Variants in RREB1 observed in about 807,000 individuals in gnomAD.
RREB1 encodes ras responsive element binding protein 1, also known as ras-responsive element-binding protein 1.
RREB1 carries 27 observed loss-of-function variants against 117.8 expected under a neutral mutation model. The ratio of observed to expected loss-of-function variants is 0.23; its 90% CI spans 0.17 to 0.32. RREB1 has a LOEUF of 0.32. Among genes scored for constraint, RREB1 ranks in the 10% least tolerant of loss-of-function variants. The pLI, the probability that RREB1 is intolerant of heterozygous loss-of-function variation, is 1.00. For missense variants in RREB1, 2,577 were observed against 2,378.2 expected (o/e 1.08, Z -1.74); for synonymous variants, 1,298 against 1,026.7 (o/e 1.26, Z -5.05).
rs1768007018 is a variant in RREB1, at chr6:7,231,868, T to C, written c.3769T>C (p.Trp1257Arg). The change falls in exon 10 of 13, where the codon TGG becomes CGG. Residue 1257 changes from tryptophan (W) to arginine (R), a missense_variant. Coordinates refer to ENST00000379938, the MANE Select transcript of RREB1 (RefSeq NM_001003699.4). ...TCCCCACTGTCCCCGGGTTTTCCCT[T>C]GGGCCAGCTCCCTACAGAGGCACAT... ...TCPHCPRVFP[W>R]ASSLQRHMLT... 1.2e-6 allele frequency: 2 copies of C among 1,612,656 alleles called. No individual in the cohort carries two copies. The highest frequency in any genetic ancestry group is 1.7e-6 in the Non-Finnish European group (2 of 1,179,530).
chr6:7,128,941 C>T (rs1191174641), intron 1 of RREB1, among the ~76,000 whole-genome samples: 1 of 152,168 alleles, frequency 6.6e-6, no homozygotes, highest in South Asian at 2.1e-4. Context: ...TGCACTCCAG[C>T]TTGGGCAACA....
In RREB1 at chr6:7,250,702, C is replaced by G. The variant is rs1769371402; in HGVS notation, c.*1734C>G. ...ACTTGTTCACACAGAAACGTGCACG[C>G]CCCCTTTTCTCCGCCACTTCACCAG... On this transcript the variant is annotated 3_prime_UTR_variant, in exon 13 of 13. Transcript: ENST00000379938. 6.6e-6 allele frequency: 1 copy of G among 152,114 alleles called. No individual in the cohort carries two copies. 9.4% of individuals were successfully genotyped at this position (152,114 alleles called of 1,614,324 possible).
At position 7,240,407 on chromosome 6, in the gene RREB1, A is replaced by G. The variant is rs1246599317; in HGVS notation, c.3809-31A>G. ...TTCTATTTCATTGCAGTAGAAAGCC[A>G]GATAAATATATATTTTTTTTCCTGC... is the stretch of plus-strand genomic sequence containing the variant. On this transcript the variant is annotated intron_variant, in intron 10 of 12. Transcript: ENST00000379938. 4 of 1,582,720 alleles carry G rather than the reference A, an allele frequency of 2.5e-6. No individual in the cohort carries two copies. The East Asian group carries it at 9.0e-5, about 36-fold the overall frequency.
intron 1 of RREB1, among the ~76,000 whole-genome samples, chr6:7,147,342 G>A (rs575712223): frequency 2.0e-5 from 3 of 152,310 alleles, no homozygotes; most frequent in Non-Finnish European, 2.9e-5. Flanking sequence ...CGCAGCATGA[G>A]GCATTTGTGG....
At chr6:7,211,337 C>T (rs201251691) in intron 7 of RREB1, among the ~76,000 whole-genome samples, 11 of 54,730 alleles carry the variant, frequency 2.0e-4, no homozygotes, top group African/African-American at 8.4e-4. Context: ...GATGGATGGA[C>T]AGATGGATGG....
chr6:7,175,982 A>G (rs150904399), intron 1 of RREB1, among the ~76,000 whole-genome samples: 2,517 of 152,232 alleles, frequency 0.017, 82 homozygotes, highest in African/African-American at 0.058. Flanking sequence ...CAGTGGTGCA[A>G]TCTCAGCTTA....
rs1561796661 is a variant in RREB1, at chr6:7,230,687, T to C, written c.2588T>C (p.Leu863Pro). Residue 863 changes from leucine to proline, a missense_variant, in exon 10 of 13, where the codon CTG becomes CCG. Coordinates refer to ENST00000379938, the MANE Select transcript of RREB1 (RefSeq NM_001003699.4). ...LGDCKPLTAFLEPQNGFLHRG... is the reference protein window; with the variant it reads ...LGDCKPLTAFPEPQNGFLHRG... ...GACTGCAAGCCCCTCACTGCCTTCC[T>C]GGAACCCCAGAACGGCTTTCTTCAC... The C allele has an allele frequency of 6.3e-7, 1 of 1,593,476 alleles. No homozygotes were observed.
In RREB1 at chr6:7,230,295, G is replaced by A. The variant is rs761442691; in HGVS notation, c.2196G>A (p.Lys732=). The A allele has an allele frequency of 6.3e-7, 1 of 1,593,652 alleles. No homozygotes were observed. Among genetic ancestry groups the A allele is most frequent in the African/African-American group, 1.3e-5 (1 of 74,768 alleles). Residue 732 remains lysine, a synonymous_variant, in exon 10 of 13, where the codon AAG becomes AAA. Transcript: ENST00000379938. ...AGGCCACCCGCAAGGATATCGAGAA[G>A]AACATCGAGTATGTGAGTAGCAGCG... is the stretch of plus-strand genomic sequence containing the variant. ...HLKATRKDIE[K]NIEYVSSSAA...
intron 1 of RREB1, among the ~76,000 whole-genome samples, chr6:7,135,502 C>T (rs1464304744): frequency 6.6e-6 from 1 of 152,144 alleles, no homozygotes; most frequent in African/African-American, 2.4e-5. Context: ...GGTCTAGTGG[C>T]TTAGCTGTGG....
In RREB1 at chr6:7,242,699, A is replaced by AGG. The variant is rs1222808152; in HGVS notation, c.3973+2097_3973+2098insGG. 1.6e-4 allele frequency among the ~76,000 whole-genome samples: 13 copies of AGG among 79,554 alleles called. No individual in the cohort carries two copies. In the South Asian group the frequency reaches 1.7e-3, roughly 11 times the overall value. The allele number at this position is 79,554 out of a possible 152,430, so 52.2% of individuals were successfully genotyped here. A position where few individuals can be genotyped will look rare whatever the true frequency, so the allele number is the denominator to read the frequency against. ...CTTTGAAGGAAGACCACTTAAAAAA[A>AGG]AGGGGGGGGGGGAAGGAAATGACCA... On this transcript the variant is annotated intron_variant, in intron 11 of 12. Coordinates refer to ENST00000379938, the MANE Select transcript of RREB1 (RefSeq NM_001003699.4).
At chr6:7,211,526 C>G in intron 7 of RREB1, 47 bp from the exon 8 acceptor site, 1 of 1,590,026 alleles carries the variant, frequency 6.3e-7, no homozygotes, top group Non-Finnish European at 8.6e-7. Flanking sequence ...CCGAAGCCAT[C>G]CCATGTGGGA....
chr6:7,187,416 T>C lies in RREB1; in HGVS notation c.172-18T>C. On this transcript the variant is annotated intron_variant, in intron 4 of 12. Transcript: ENST00000379938. The stretch of plus-strand genomic sequence containing the variant: ...CTGTGAGTTGAAATTTATCTTCCCT[T>C]TTAATCTTTCTTTTTAGGAAACGAA... The C allele has an allele frequency of 6.6e-7, 1 of 1,516,620 alleles. No individual in the cohort carries two copies. The highest frequency in any genetic ancestry group is 9.1e-7 in the Non-Finnish European group (1 of 1,097,616). 93.9% of individuals were successfully genotyped at this position (1,516,620 alleles called of 1,614,324 possible). A position where few individuals can be genotyped will look rare whatever the true frequency, so the allele number is the denominator to read the frequency against.
chr6:7,183,550 G>T (rs1260698794), intron 4 of RREB1: 1 of 152,188 alleles, frequency 6.6e-6, no homozygotes, highest in African/African-American at 2.4e-5. Context: ...CCCAAGTCCA[G>T]CCTCCAGATC....
At chr6:7,177,567 C>T (rs1438670002) in intron 2 of RREB1, among the ~76,000 whole-genome samples, 1 of 152,114 alleles carries the variant, frequency 6.6e-6, no homozygotes, top group African/African-American at 2.4e-5. Flanking sequence ...CAGGGTCTCA[C>T]TCTGTCGCCC....
intron 11 of RREB1, among the ~76,000 whole-genome samples, chr6:7,245,248 C>T (rs1029898327): frequency 6.6e-6 from 1 of 151,970 alleles, no homozygotes; most frequent in Admixed American, 6.6e-5. Flanking sequence ...ATACAAAAAT[C>T]AGCTGGGCGT....
chr6:7,163,485 G>GCCT (rs1763765327), intron 1 of RREB1, among the ~76,000 whole-genome samples: 1 of 152,046 alleles, frequency 6.6e-6, no homozygotes, highest in Non-Finnish European at 1.5e-5. Context: ...TCTACCTCCT[G>GCCT]GGTTCACACC....
In RREB1 at chr6:7,230,114, A is replaced by T; in HGVS notation, c.2015A>T (p.Gln672Leu). The change falls in exon 10 of 13, where the codon CAG (glutamine) becomes CTG (leucine). Residue 672 changes from glutamine (Q) to leucine (L), a missense_variant. Transcript: ENST00000379938. ...TCCCACCTGGGCATCTCGCCATACC[A>T]GTGCAACATCTGCGACTACATCGCC... ...VRSHLGISPY[Q>L]CNICDYIAAD... 6.2e-7 allele frequency: 1 copy of T among 1,604,096 alleles called. No individual in the cohort carries two copies. The highest frequency in any genetic ancestry group is 8.5e-7 in the Non-Finnish European group (1 of 1,175,608).
intron 1 of RREB1, among the ~76,000 whole-genome samples, chr6:7,128,455 A>G (rs535034474): frequency 5.9e-5 from 9 of 152,062 alleles, no homozygotes; most frequent in Admixed American, 4.6e-4. Flanking sequence ...AGCACCATGT[A>G]TGTCTCTGTG....
chr6:7,192,664 A>G (rs1477380878), intron 6 of RREB1, among the ~76,000 whole-genome samples: 1 of 152,170 alleles, frequency 6.6e-6, no homozygotes, highest in African/African-American at 2.4e-5. Flanking sequence ...CCTAACTATA[A>G]TAATTTGAAT....
Sources: gnomAD v4.1 joint callset for allele counts (sites outside exome capture counted in the v4.1 genomes callset) on GRCh38, gnomAD v4.1.1 for gene constraint, MANE v1.5 for transcripts, NCBI Gene and HGNC (gene_info 2026-07-23, HGNC 2026-07-21) for gene names.